The following QTGAL variants were observed in gnomAD, a reference collection of about 807,000 sequenced individuals.
The protein encoded by QTGAL is queuosine-tRNA galactosyltransferase.
At chr17:83,029,183 A>G in the QTGAL span, among the ~76,000 whole-genome samples, 1 of 152,208 alleles carries the variant, frequency 6.6e-6, no homozygotes, top group Non-Finnish European at 1.5e-5. Flanking sequence ...TCCATGTTGT[A>G]CACAAATTTC....
the QTGAL span, among the ~76,000 whole-genome samples, chr17:83,018,588 C>G: frequency 3.3e-5 from 5 of 152,188 alleles, no homozygotes; most frequent in African/African-American, 9.7e-5. Flanking sequence ...AGTCTCGTAG[C>G]AATTACATGT....
chr17:82,980,576 C>T, the QTGAL span, among the ~76,000 whole-genome samples: 1 of 152,164 alleles, frequency 6.6e-6, no homozygotes, highest in Non-Finnish European at 1.5e-5. Flanking sequence ...TCTAGAGGGA[C>T]CCACAGAATT....
chr17:82,961,212 G>A, the QTGAL span: 1 of 1,596,074 alleles, frequency 6.3e-7, no homozygotes, highest in South Asian at 1.1e-5. Flanking sequence ...AGGCATCACT[G>A]GGGCCCCAGA....
At chr17:83,050,054 C>T in the QTGAL span, among the ~76,000 whole-genome samples, 1 of 152,174 alleles carries the variant, frequency 6.6e-6, no homozygotes, top group African/African-American at 2.4e-5. Context: ...TCTGTCTCTT[C>T]CTGGACTTAG....
the QTGAL span, among the ~76,000 whole-genome samples, chr17:83,036,394 T>G: frequency 3.5e-3 from 533 of 152,294 alleles, 8 homozygotes; most frequent in Admixed American, 0.026. Context: ...AGGGGGCTTC[T>G]GGGGGCTGCG....
the QTGAL span, among the ~76,000 whole-genome samples, chr17:82,986,451 G>T: frequency 2.6e-5 from 4 of 152,194 alleles, no homozygotes; most frequent in African/African-American, 4.8e-5. Flanking sequence ...AAACAAATTC[G>T]CTTCCCCACG....
the QTGAL span, among the ~76,000 whole-genome samples, chr17:83,020,583 G>A: frequency 4.7e-4 from 71 of 152,352 alleles, no homozygotes; most frequent in African/African-American, 1.5e-3. Context: ...CTGGGGACAC[G>A]ATGGGGCCTT....
At chr17:82,952,844 A>C in the QTGAL span, among the ~76,000 whole-genome samples, 1 of 152,196 alleles carries the variant, frequency 6.6e-6, no homozygotes, top group African/African-American at 2.4e-5. Flanking sequence ...AAATCCTAAC[A>C]GTCTTTCAGA....
the QTGAL span, chr17:83,006,336 G>A: frequency 2.0e-6 from 2 of 985,474 alleles, no homozygotes; most frequent in Non-Finnish European, 2.4e-6. This position sits in a 1 kb window ranked among gnomAD's most constrained non-coding sequence, Gnocchi z 5.8. Context: ...TTAATGACGT[G>A]CTTGGGGGAG....
the QTGAL span, among the ~76,000 whole-genome samples, chr17:82,957,002 T>C: frequency 0.067 from 10,245 of 152,224 alleles, 1,189 homozygotes; most frequent in African/African-American, 0.23. Flanking sequence ...CCCCAAGGCC[T>C]AGACCCACGA....
chr17:82,968,155 G>C, the QTGAL span, among the ~76,000 whole-genome samples: 428 of 152,200 alleles, frequency 2.8e-3, 1 homozygote, highest in African/African-American at 9.4e-3. Context: ...ATCCATGTGT[G>C]TTCACGGCAG....
the QTGAL span, among the ~76,000 whole-genome samples, chr17:83,036,454 G>GCA: frequency 1.3e-5 from 2 of 152,244 alleles, no homozygotes; most frequent in East Asian, 1.9e-4. Context: ...TGCAGCTTAT[G>GCA]AACCTTCATC....
At chr17:82,991,037 C>A in the QTGAL span, among the ~76,000 whole-genome samples, 1 of 152,150 alleles carries the variant, frequency 6.6e-6, no homozygotes, top group South Asian at 2.1e-4. Context: ...GTTATGGCAG[C>A]CTGAGCTGAT....
chr17:83,004,979 G>T, the QTGAL span: 1 of 643,486 alleles, frequency 1.6e-6, no homozygotes, highest in Non-Finnish European at 2.6e-6. Flanking sequence ...TGCGATTGAT[G>T]GCATGTGAGT....
At chr17:82,954,798 A>AAC in the QTGAL span, among the ~76,000 whole-genome samples, 1 of 152,234 alleles carries the variant, frequency 6.6e-6, no homozygotes, top group Non-Finnish European at 1.5e-5. Flanking sequence ...AGATCAATGC[A>AAC]ACAGAACAGA....
At chr17:83,030,389 G>A in the QTGAL span, among the ~76,000 whole-genome samples, 1 of 152,200 alleles carries the variant, frequency 6.6e-6, no homozygotes, top group Admixed American at 6.5e-5. Context: ...GAAATAAAGG[G>A]ATTAGCGGAG....
chr17:83,035,082 G>T, the QTGAL span: 2 of 1,611,954 alleles, frequency 1.2e-6, no homozygotes, highest in African/African-American at 1.3e-5. Context: ...GCAACTGCTT[G>T]ATTTTTAGCG....
the QTGAL span, chr17:82,942,187 A>C: frequency 1.8e-6 from 1 of 553,004 alleles, no homozygotes; most frequent in Non-Finnish European, 3.2e-6. Context: ...GAAAAATTTC[A>C]AACGTGTGAA....
chr17:83,013,308 C>T, the QTGAL span, among the ~76,000 whole-genome samples: 15 of 149,734 alleles, frequency 1.0e-4, no homozygotes, highest in Middle Eastern at 3.4e-3. Flanking sequence ...TCCTGCCTCA[C>T]GTGAGACGCA....
Sources: gnomAD v4.1 joint callset for allele counts (sites outside exome capture counted in the v4.1 genomes callset) on GRCh38, gnomAD v4.1.1 for gene constraint, Gnocchi (gnomAD v3.1) non-coding constraint, MANE v1.5 for transcripts, NCBI Gene and HGNC (gene_info 2026-07-23, HGNC 2026-07-21) for gene names.